Variants in PDS5B observed in about 807,000 individuals in gnomAD.
The protein encoded by PDS5B is sister chromatid cohesion protein PDS5 homolog B.
PDS5B carries 51 observed loss-of-function variants against 184.1 expected under a neutral mutation model. The observed-to-expected ratio is 0.28, with a 90% CI of 0.22 to 0.35. PDS5B has a LOEUF of 0.35. Among genes scored for constraint, PDS5B ranks in the 10% least tolerant of loss-of-function variants. The pLI, the probability that PDS5B is intolerant of heterozygous loss-of-function variation, is 1.00. For synonymous variants in PDS5B, 566 were observed against 569.2 expected (o/e 0.99, Z 0.08); for missense variants, 1,180 against 1,723.3 (o/e 0.68, Z 5.58).
intron 7 of PDS5B, among the ~76,000 whole-genome samples, chr13:32,668,677 A>G (rs1360111449): frequency 2.0e-5 from 3 of 152,176 alleles, no homozygotes; most frequent in African/African-American, 4.8e-5. Context: ...ACCTCCAGAC[A>G]AGTAAAGGAT....
intron 6 of PDS5B, among the ~76,000 whole-genome samples, chr13:32,666,076 ATTTGTTTG>A (rs943844130): frequency 4.6e-5 from 7 of 151,904 alleles, no homozygotes; most frequent in South Asian, 2.1e-4. Context: ...TCTTTCTAGT[ATTTGTTTG>A]TTTGTTTGTT....
intron 6 of PDS5B, among the ~76,000 whole-genome samples, chr13:32,661,385 CAAAA>C (rs747985772): frequency 2.8e-3 from 90 of 31,998 alleles, no homozygotes; most frequent in African/African-American, 5.5e-3. Flanking sequence ...GACTCTGTCT[CAAAA>C]AAAAAAAAAA....
At chr13:32,765,764 T>G (rs1751766049) in intron 31 of PDS5B, among the ~76,000 whole-genome samples, 1 of 152,200 alleles carries the variant, frequency 6.6e-6, no homozygotes, top group Non-Finnish European at 1.5e-5. Flanking sequence ...CCAGCATGCG[T>G]AGCCAATTTT....
chr13:32,699,045 T>A (rs1016111296), intron 15 of PDS5B, among the ~76,000 whole-genome samples: 2 of 152,176 alleles, frequency 1.3e-5, no homozygotes, highest in African/African-American at 4.8e-5. Context: ...CAATTTCTGT[T>A]ATTGGAGATG....
At chr13:32,752,219 A>G (rs1393276939) in intron 24 of PDS5B, among the ~76,000 whole-genome samples, 1 of 152,168 alleles carries the variant, frequency 6.6e-6, no homozygotes, top group Non-Finnish European at 1.5e-5. Flanking sequence ...ATTATATAGT[A>G]TATTGTTATA....
chr13:32,700,101 T>A (rs575188961), intron 16 of PDS5B, among the ~76,000 whole-genome samples: 21 of 152,290 alleles, frequency 1.4e-4, no homozygotes, highest in African/African-American at 5.1e-4. Context: ...CATTAATTAG[T>A]CTTTTATAGT....
chr13:32,642,251 A>T (rs1041116859), intron 1 of PDS5B, among the ~76,000 whole-genome samples: 2 of 152,132 alleles, frequency 1.3e-5, no homozygotes, highest in African/African-American at 4.8e-5. Context: ...TCGTTCATTC[A>T]TTCATTATTT....
rs76367683 is a variant in PDS5B at position 32,678,857 on chromosome 13, A to G, written c.985A>G (p.Ile329Val). The G allele has an allele frequency of 1.2e-4, 195 of 1,605,004 alleles. 1 individual carries two copies. The East Asian group carries it at 4.0e-3, about 33-fold the overall frequency. Residue 329 changes from isoleucine to valine, a missense_variant, in exon 10 of 35, where the codon ATC (isoleucine) becomes GTC (valine). Ile to Val is a conservative substitution (Grantham distance 29, BLOSUM62 3). Around this residue, in one of 11 missense-constraint regions of PDS5B, gnomAD observed 475 missense variants for 691.5 expected, o/e 0.69. Coordinates refer to ENST00000315596, the MANE Select transcript of PDS5B (RefSeq NM_015032.4). Reference sequence around the variant, plus strand: ...CAGGTTTAATGATATCCATGTACCAATCCGCCTGGAATGTGTGAAATTTGC... The same window carrying G: ...CAGGTTTAATGATATCCATGTACCAGTCCGCCTGGAATGTGTGAAATTTGC... ...LGRFNDIHVPIRLECVKFASH... is the reference protein window; with the variant it reads ...LGRFNDIHVPVRLECVKFASH...
chr13:32,638,210 A>G (rs907470613), intron 1 of PDS5B, among the ~76,000 whole-genome samples: 3 of 152,236 alleles, frequency 2.0e-5, no homozygotes, highest in African/African-American at 7.2e-5. Context: ...GAGCACAAAC[A>G]CTTACTAAAC....
intron 10 of PDS5B, among the ~76,000 whole-genome samples, chr13:32,681,729 C>G (rs1216786422): frequency 1.3e-5 from 2 of 151,930 alleles, no homozygotes; most frequent in Non-Finnish European, 2.9e-5. Context: ...TTACGTTTCT[C>G]CAGCTTCATT....
chr13:32,777,207 C>T lies in PDS5B; in HGVS notation c.*2155C>T, dbSNP rs1954981505. ...TTATAGTTAAGCAAATTTCATTTCA[C>T]ATTTTTGTAATGCTGTACAGCAGTT... On this transcript the variant is annotated 3_prime_UTR_variant, in exon 35 of 35. Transcript: ENST00000315596. 1 of 151,976 alleles carries T rather than the reference C, an allele frequency of 6.6e-6. No individual in the cohort carries two copies. The highest frequency in any genetic ancestry group is 2.1e-4 in the South Asian group (1 of 4,832). The allele number at this position is 151,976 out of a possible 1,614,324, so 9.4% of individuals were successfully genotyped here. A position where few individuals can be genotyped will look rare whatever the true frequency, so the allele number is the denominator to read the frequency against.
intron 13 of PDS5B, among the ~76,000 whole-genome samples, chr13:32,693,073 T>C (rs1483657784): frequency 1.3e-5 from 2 of 152,038 alleles, no homozygotes; most frequent in Non-Finnish European, 2.9e-5. Context: ...ACATTGACTT[T>C]GGAGTTCAGA....
chr13:32,644,279 G>C (rs1004745871), intron 1 of PDS5B, among the ~76,000 whole-genome samples: 9 of 152,120 alleles, frequency 5.9e-5, no homozygotes, highest in African/African-American at 2.2e-4. Flanking sequence ...CATTTGGTAT[G>C]TTTCTTGACA....
At chr13:32,641,232 T>C (rs1235279005) in intron 1 of PDS5B, among the ~76,000 whole-genome samples, 1 of 152,226 alleles carries the variant, frequency 6.6e-6, no homozygotes, top group East Asian at 1.9e-4. Flanking sequence ...GGAACTATTA[T>C]ATGTCAAATC....
intron 8 of PDS5B, among the ~76,000 whole-genome samples, chr13:32,673,994 TG>T (rs1440428223): frequency 7.2e-5 from 11 of 152,014 alleles, no homozygotes; most frequent in Non-Finnish European, 1.6e-4. Context: ...TTGTATTTTT[TG>T]GTAGAGACAG....
intron 11 of PDS5B, 117 bp from the exon 12 acceptor site, chr13:32,687,017 C>T: frequency 1.4e-6 from 1 of 710,654 alleles, no homozygotes. Context: ...TATTTAGTAT[C>T]TGAGACTTAA....
At chr13:32,607,738 A>G (rs1431752600) in intron 1 of PDS5B, among the ~76,000 whole-genome samples, 2 of 152,114 alleles carry the variant, frequency 1.3e-5, no homozygotes, top group African/African-American at 4.8e-5. Flanking sequence ...CAACTTGTTT[A>G]CCTACTCAAG....
chr13:32,591,809 C>T (rs2057779694), intron 1 of PDS5B, among the ~76,000 whole-genome samples: 1 of 152,098 alleles, frequency 6.6e-6, no homozygotes, highest in East Asian at 1.9e-4. Context: ...CTTGCTGCCC[C>T]CACCACCTAC....
intron 20 of PDS5B, among the ~76,000 whole-genome samples, chr13:32,733,886 C>T (rs1030996172): frequency 6.6e-6 from 1 of 151,964 alleles, no homozygotes; most frequent in Non-Finnish European, 1.5e-5. Flanking sequence ...TAAATATGCA[C>T]GTGCACACAT....
Sources: allele counts gnomAD v4.1 joint callset (sites outside exome capture counted in the v4.1 genomes callset), GRCh38; gene constraint gnomAD v4.1.1; regional missense constraint gnomAD v4.1.1; transcripts MANE v1.5; gene names NCBI Gene and HGNC (gene_info 2026-07-23, HGNC 2026-07-21).